TMEM62: variants seen among roughly 807,000 people sequenced by gnomAD.
TMEM62 encodes transmembrane protein 62.
In TMEM62, 41 loss-of-function variants were observed where a neutral mutation model predicts 70.4. The ratio of observed to expected loss-of-function variants is 0.58; its 90% CI spans 0.45 to 0.76. The LOEUF is 0.76. Ranked by LOEUF, TMEM62 falls within the 30% of genes least tolerant of loss-of-function variation. TMEM62 has a pLI of 0.00. For missense variants in TMEM62, 688 were observed against 788.5 expected (o/e 0.87, Z 1.53); for synonymous variants, 268 against 291.0 (o/e 0.92, Z 0.80).
At chr15:43,149,212 G>A in intron 7 of TMEM62, 61 bp downstream of exon 7, 1 of 1,557,712 alleles carries the variant, frequency 6.4e-7, no homozygotes, top group Non-Finnish European at 8.8e-7. Context: ...AGCAATGATA[G>A]TTTTCTTACT....
At chr15:43,150,767 T>C (rs752322313) in intron 7 of TMEM62, among the ~76,000 whole-genome samples, 42 of 152,190 alleles carry the variant, frequency 2.8e-4, no homozygotes, top group Non-Finnish European at 5.3e-4. Context: ...CACCCACTCT[T>C]AAGTACTTTG....
intron 10 of TMEM62, among the ~76,000 whole-genome samples, chr15:43,163,170 G>A (rs1429703693): frequency 6.7e-6 from 1 of 148,900 alleles, no homozygotes; most frequent in African/African-American, 2.5e-5. Flanking sequence ...TTTATCCTGG[G>A]TGTTAGCATA....
intron 12 of TMEM62, among the ~76,000 whole-genome samples, chr15:43,179,580 T>TGGTGAATGTGGAGAAATA (rs2041145402): frequency 6.6e-6 from 1 of 152,196 alleles, no homozygotes; most frequent in Non-Finnish European, 1.5e-5. Context: ...TGCATCCTCA[T>TGGTGAATGTGGAGAAATA]GGTGAAGCAA....
chr15:43,142,464 A>G (rs964969838), intron 4 of TMEM62, among the ~76,000 whole-genome samples: 4 of 151,376 alleles, frequency 2.6e-5, no homozygotes, highest in Admixed American at 6.6e-5. Flanking sequence ...CGCCCGGCCA[A>G]GAAATTCTTG....
chr15:43,146,594 G>T lies in TMEM62; in HGVS notation c.578G>T (p.Gly193Val). ...TGTGTAGATGCCACTGTAAATCCAG[G>T]GCCTAAGAGACCCTATAATTTCTTT... ...FICVDATVNPGPKRPYNFFGI... is the reference protein window; with the variant it reads ...FICVDATVNPVPKRPYNFFGI... The change falls in exon 5 of 14, where the codon GGG becomes GTG. Residue 193 changes from glycine to valine, a missense_variant. Physicochemically the swap from Gly to Val is moderately radical, Grantham distance 109. Coordinates refer to ENST00000260403, the MANE Select transcript of TMEM62 (RefSeq NM_024956.4). 9 of 1,612,286 alleles carry T rather than the reference G, an allele frequency of 5.6e-6. No individual in the cohort carries two copies. The highest frequency in any genetic ancestry group is 7.6e-6 in the Non-Finnish European group (9 of 1,179,172).
At chr15:43,165,726 C>T (rs2039326497) in intron 10 of TMEM62, among the ~76,000 whole-genome samples, 1 of 150,294 alleles carries the variant, frequency 6.7e-6, no homozygotes, top group East Asian at 1.9e-4. Context: ...GAGCAAGACT[C>T]CGTCTCAAAA....
chr15:43,163,827 C>A (rs1472090238), intron 10 of TMEM62, among the ~76,000 whole-genome samples: 1 of 151,984 alleles, frequency 6.6e-6, no homozygotes, highest in East Asian at 1.9e-4. Flanking sequence ...TTTAGCAATT[C>A]TGAGAAGGGG....
At chr15:43,148,135 T>C (rs1191846259) in intron 5 of TMEM62, among the ~76,000 whole-genome samples, 1 of 152,224 alleles carries the variant, frequency 6.6e-6, no homozygotes, top group Non-Finnish European at 1.5e-5. Context: ...TCCTAGGGAA[T>C]TACTGATTGG....
Position 43,160,674 on chromosome 15 carries a change from T to C in TMEM62, c.1183-7T>C, listed in dbSNP as rs1328009367. The C allele has an allele frequency of 3.3e-6, 5 of 1,516,186 alleles. No individual in the cohort carries two copies. Among genetic ancestry groups the C allele is most frequent in the Non-Finnish European group, 3.6e-6 (4 of 1,098,532 alleles). The allele number at this position is 1,516,186 out of a possible 1,614,324, so 93.9% of individuals were successfully genotyped here. A position where few individuals can be genotyped will look rare whatever the true frequency, so the allele number is the denominator to read the frequency against. ...GAAAGTTACTTTTCTTCTGTGGTTA[T>C]TACTAGGATTCTGCTGGAAGAAGTA... On this transcript the variant is annotated splice_polypyrimidine_tract_variant and splice_region_variant and intron_variant, in intron 9 of 13. Transcript: ENST00000260403.
At position 43,136,547 on chromosome 15, in the gene TMEM62, C is replaced by T. The variant is rs1014777212; in HGVS notation, c.430+898C>T. On this transcript the variant is annotated intron_variant, in intron 3 of 13. Transcript: ENST00000260403. Reference sequence around the variant, plus strand: ...GCAACCTTCGTCTCCCGAGTTCAAGCGATTCCCCTGCCTCAACCTCCTGAG... The same window carrying T: ...GCAACCTTCGTCTCCCGAGTTCAAGTGATTCCCCTGCCTCAACCTCCTGAG... 7.2e-5 allele frequency among the ~76,000 whole-genome samples: 11 copies of T among 152,042 alleles called. No individual in the cohort carries two copies. The East Asian group carries it at 9.7e-4, about 13-fold the overall frequency.
In TMEM62 at chr15:43,184,618, AAGCCCAGCCTCTGTGTCTGT is replaced by A; in HGVS notation, c.*40_*59del. On this transcript the variant is annotated 3_prime_UTR_variant, in exon 14 of 14. Transcript: ENST00000260403. ...TGTCTCACCACTGGCAGCTGGGCAG[AAGCCCAGCCTCTGTGTCTGT>A]AGCCCAGGCCTCTACCCCAGTAGCA... 1 of 1,581,508 alleles carries A rather than the reference AAGCCCAGCCTCTGTGTCTGT, an allele frequency of 6.3e-7. No individual in the cohort carries two copies. Among genetic ancestry groups the A allele is most frequent in the Non-Finnish European group, 8.6e-7 (1 of 1,161,912 alleles).
At chr15:43,167,170 C>T (rs12917021) in intron 10 of TMEM62, among the ~76,000 whole-genome samples, 23,307 of 149,594 alleles carry the variant, frequency 0.16, 1,999 homozygotes, top group South Asian at 0.23. Flanking sequence ...GGGGGCTGAC[C>T]CCCCCACCTC....
At chr15:43,148,227 CT>C (rs1398371458) in intron 5 of TMEM62, among the ~76,000 whole-genome samples, 1 of 152,156 alleles carries the variant, frequency 6.6e-6, no homozygotes, top group Non-Finnish European at 1.5e-5. Flanking sequence ...TTGGGTCTGG[CT>C]TCTTTTGCTC....
rs1301927404 is a variant in TMEM62, at chr15:43,134,372, G to A, written c.292+4G>A. The A allele has an allele frequency of 1.2e-6, 2 of 1,610,124 alleles. No individual in the cohort carries two copies. Among genetic ancestry groups the A allele is most frequent in the East Asian group, 2.2e-5 (1 of 44,862 alleles). ...CCAGCTCTCGTCCTAGCAACAGGTA[G>A]GGAGGCTTGCCGTGCTGTGGTGGTG... On this transcript the variant is annotated splice_donor_region_variant and intron_variant, in intron 2 of 13. Transcript: ENST00000260403.
intron 8 of TMEM62, among the ~76,000 whole-genome samples, chr15:43,154,356 A>G (rs1317246071): frequency 6.6e-6 from 1 of 152,212 alleles, no homozygotes; most frequent in South Asian, 2.1e-4. Flanking sequence ...TAAGAGAAAA[A>G]TCAGTACTTC....
Position 43,184,892 on chromosome 15 carries a change from C to A in TMEM62, c.*306C>A, listed in dbSNP as rs1347205870. 2.0e-5 allele frequency: 8 copies of A among 403,876 alleles called. No individual in the cohort carries two copies. The highest frequency in any genetic ancestry group is 1.0e-4 in the African/African-American group (5 of 49,908). The allele number at this position is 403,876 out of a possible 1,614,324, so 25.0% of individuals were successfully genotyped here. A position where few individuals can be genotyped will look rare whatever the true frequency, so the allele number is the denominator to read the frequency against. On this transcript the variant is annotated 3_prime_UTR_variant, in exon 14 of 14. Transcript: ENST00000260403. ...ACAGGGTAGAGGTTGGGTGTGTGTACGGGAGTGTCTGAGGCCCAGTGTGTT... is the reference window on the plus strand; with the variant it reads ...ACAGGGTAGAGGTTGGGTGTGTGTAAGGGAGTGTCTGAGGCCCAGTGTGTT...
intron 9 of TMEM62, among the ~76,000 whole-genome samples, chr15:43,159,130 T>G (rs1432213679): frequency 3.3e-5 from 5 of 152,198 alleles, no homozygotes; most frequent in Non-Finnish European, 7.4e-5. Context: ...ATAGTAGGTG[T>G]GTATATCTGT....
At chr15:43,161,060 T>C (rs1371002367) in intron 10 of TMEM62, among the ~76,000 whole-genome samples, 1 of 152,168 alleles carries the variant, frequency 6.6e-6, no homozygotes, top group African/African-American at 2.4e-5. Context: ...AACTTTATCA[T>C]AGGTATGTAT....
chr15:43,147,110 C>T (rs145710129), intron 5 of TMEM62, among the ~76,000 whole-genome samples: 2,125 of 152,142 alleles, frequency 0.014, 42 homozygotes, highest in African/African-American at 0.048. Flanking sequence ...ATTACAGGCA[C>T]GTGCCACCAT....
Sources: gnomAD v4.1 joint callset for allele counts (sites outside exome capture counted in the v4.1 genomes callset) on GRCh38, gnomAD v4.1.1 for gene constraint, MANE v1.5 for transcripts, NCBI Gene and HGNC (gene_info 2026-07-23, HGNC 2026-07-21) for gene names.